The following DCX variants were observed in gnomAD, a reference collection of about 807,000 sequenced individuals.
DCX encodes doublecortin.
DCX carries 4 observed loss-of-function variants against 20.9 expected under a neutral mutation model. The observed-to-expected ratio is 0.19, with a 90% CI of 0.09 to 0.44. The LOEUF (loss-of-function observed/expected upper bound fraction) is 0.44, where lower values mean the gene tolerates loss of function less well. Ranked by LOEUF, DCX falls within the 20% of genes least tolerant of loss-of-function variation. DCX has a pLI of 0.99. For missense variants in DCX, 133 were observed against 296.9 expected (o/e 0.45, Z 4.06); for synonymous variants, 103 against 111.4 (o/e 0.92, Z 0.47).
intron 2 of DCX, among the ~76,000 whole-genome samples, chrX:111,409,010 T>C (rs774911563): frequency 1.9e-4 from 21 of 111,363 alleles, no homozygotes; most frequent in Non-Finnish European, 3.2e-4. Flanking sequence ...GCTCAGGGAA[T>C]GAAAGGAGTG....
chrX:111,320,435 C>T (rs918092258), intron 5 of DCX, among the ~76,000 whole-genome samples: 2 of 111,911 alleles, frequency 1.8e-5, no homozygotes, highest in Non-Finnish European at 3.8e-5. Context: ...TTAAGAGTGG[C>T]TGGAAATGGC....
intron 6 of DCX, among the ~76,000 whole-genome samples, chrX:111,309,017 G>A (rs1056478063): frequency 2.7e-5 from 3 of 110,963 alleles, no homozygotes; most frequent in African/African-American, 9.8e-5. Flanking sequence ...TCTCTTTCAC[G>A]GGGATATCAC....
chrX:111,367,695 T>C (rs1195483573), intron 3 of DCX, among the ~76,000 whole-genome samples: 1 of 111,673 alleles, frequency 9.0e-6, no homozygotes, highest in African/African-American at 3.3e-5. Flanking sequence ...GTAGGGTACG[T>C]GGCGGCCCTT....
At chrX:111,331,118 T>C in intron 4 of DCX, 77 bp from the exon 5 acceptor site, 3 of 1,121,035 alleles carry the variant, frequency 2.7e-6, no homozygotes, top group Middle Eastern at 3.1e-4. Flanking sequence ...GAAACCGCAA[T>C]AACCATCACA....
intron 3 of DCX, among the ~76,000 whole-genome samples, chrX:111,394,521 A>T (rs928009453): frequency 8.9e-6 from 1 of 112,483 alleles, no homozygotes; most frequent in African/African-American, 3.2e-5. Context: ...AGCTGTTTTT[A>T]AAAACTGTTT....
chrX:111,375,740 A>G (rs1925481270), intron 3 of DCX, among the ~76,000 whole-genome samples: 1 of 112,295 alleles, frequency 8.9e-6, no homozygotes, highest in African/African-American at 3.2e-5. Flanking sequence ...AGCACAAGAG[A>G]AAGGCACTGG....
At chrX:111,358,029 T>C (rs945265811) in intron 3 of DCX, among the ~76,000 whole-genome samples, 1 of 110,512 alleles carries the variant, frequency 9.0e-6, no homozygotes, top group Non-Finnish European at 1.9e-5. Flanking sequence ...GGTTTCATCA[T>C]GTTGGCTAGG....
In DCX at chrX:111,352,292, A is replaced by G. The variant is rs185381975; in HGVS notation, c.706-19139T>C. 7.2e-5 allele frequency among the ~76,000 whole-genome samples: 8 copies of G among 111,389 alleles called. No homozygotes were observed. The East Asian group carries it at 2.3e-3, about 32-fold the overall frequency. On this transcript the variant is annotated intron_variant, in intron 3 of 6. Transcript: ENST00000636035. The stretch of plus-strand genomic sequence containing the variant: ...GCATTTGATGCCTGTCAAGATATTT[A>G]CCTTAGCCCTGGCCATTATACTCTT...
At chrX:111,315,831 A>G (rs2095069210) in intron 5 of DCX, among the ~76,000 whole-genome samples, 1 of 21,017 alleles carries the variant, frequency 4.8e-5, no homozygotes, top group Non-Finnish European at 7.9e-5. Context: ...TCGCAAGAAC[A>G]AAAAACCAAA....
intron 6 of DCX, among the ~76,000 whole-genome samples, chrX:111,311,387 A>G (rs1216044621): frequency 2.7e-5 from 3 of 112,375 alleles, no homozygotes; most frequent in Non-Finnish European, 3.8e-5. Context: ...ACTGATATAG[A>G]AAAAATAAAA....
chrX:111,355,989 G>A (rs186848035), intron 3 of DCX, among the ~76,000 whole-genome samples: 2 of 111,947 alleles, frequency 1.8e-5, no homozygotes, highest in African/African-American at 3.3e-5. Flanking sequence ...ACCACCACCT[G>A]GAAAGTTCTT....
At chrX:111,307,841 G>A (rs2095048951) in intron 6 of DCX, among the ~76,000 whole-genome samples, 1 of 111,348 alleles carries the variant, frequency 9.0e-6, no homozygotes, top group Non-Finnish European at 1.9e-5. Flanking sequence ...CTTGGTTGGT[G>A]GAAAAAATTA....
In DCX at chrX:111,386,527, G is replaced by T. The variant is rs140419749; in HGVS notation, c.705+14463C>A. On this transcript the variant is annotated intron_variant, in intron 3 of 6. Coordinates refer to ENST00000636035, the MANE Select transcript of DCX (RefSeq NM_001195553.2). ...ACCAGCTTCCAGATAGGGTTTATTG[G>T]TAAACCGTTAGGAAACAGACTCTTC... Among the ~76,000 whole-genome samples, 21 of 111,289 alleles carry T rather than the reference G, an allele frequency of 1.9e-4. No homozygotes were observed. The East Asian group carries it at 6.0e-3, about 32-fold the overall frequency.
At chrX:111,316,278 C>T (rs1395537604) in intron 5 of DCX, among the ~76,000 whole-genome samples, 1 of 110,360 alleles carries the variant, frequency 9.1e-6, no homozygotes, top group Non-Finnish European at 1.9e-5. Flanking sequence ...TGCCACCAGG[C>T]TGGAGTGCAG....
intron 2 of DCX, among the ~76,000 whole-genome samples, chrX:111,408,662 GAA>G (rs1928435334): frequency 3.7e-5 from 4 of 107,166 alleles, no homozygotes; most frequent in African/African-American, 1.4e-4. Flanking sequence ...AAGAAAGAAA[GAA>G]AGAAAGAAAG....
intron 5 of DCX, among the ~76,000 whole-genome samples, chrX:111,319,265 G>C (rs1383328862): frequency 8.9e-6 from 1 of 111,932 alleles, no homozygotes; most frequent in African/African-American, 3.2e-5. Context: ...GGAAGGGGTA[G>C]GGTAGAAGCA....
In DCX at chrX:111,314,800, C is replaced by T. The variant is rs975578588; in HGVS notation, c.947-2064G>A. Among the ~76,000 whole-genome samples the T allele has an allele frequency of 4.5e-5, 5 of 111,892 alleles. No homozygotes were observed. In the East Asian group the frequency reaches 1.1e-3, roughly 25 times the overall value. Reference sequence around the variant, plus strand: ...GAGAGGATAGGAAGGGTATTCTAGGCATTAGAATTGCCAACATCCTTTCAT... The same window carrying T: ...GAGAGGATAGGAAGGGTATTCTAGGTATTAGAATTGCCAACATCCTTTCAT... On this transcript the variant is annotated intron_variant, in intron 5 of 6. Coordinates refer to ENST00000636035, the MANE Select transcript of DCX (RefSeq NM_001195553.2).
intron 3 of DCX, among the ~76,000 whole-genome samples, chrX:111,379,303 C>T (rs1042727995): frequency 9.0e-6 from 1 of 111,522 alleles, no homozygotes; most frequent in South Asian, 3.8e-4. Flanking sequence ...ACTATCACTG[C>T]AACCAATTTT....
chrX:111,371,410 C>T (rs182449617), intron 3 of DCX, among the ~76,000 whole-genome samples: 1 of 111,067 alleles, frequency 9.0e-6, no homozygotes, highest in East Asian at 2.8e-4. Flanking sequence ...GCAGTGGAGC[C>T]TTTTGGTTAG....
Sources: gnomAD v4.1 joint callset for allele counts (sites outside exome capture counted in the v4.1 genomes callset) on GRCh38, gnomAD v4.1.1 for gene constraint, MANE v1.5 for transcripts, NCBI Gene and HGNC (gene_info 2026-07-23, HGNC 2026-07-21) for gene names.